ARHGAP26: variants seen among roughly 807,000 people sequenced by gnomAD.
The protein encoded by ARHGAP26 is rho GTPase-activating protein 26.
In ARHGAP26, 38 loss-of-function variants were observed where a neutral mutation model predicts 104.8. That is an observed-to-expected ratio of 0.36 (90% CI 0.28 to 0.48). The LOEUF (loss-of-function observed/expected upper bound fraction) is 0.48, where lower values mean the gene tolerates loss of function less well. ARHGAP26 is among the 20% of genes least tolerant of loss of function. ARHGAP26 has a pLI of 0.99. For missense variants in ARHGAP26, 704 were observed against 947.9 expected (o/e 0.74, Z 3.38); for synonymous variants, 341 against 340.0 (o/e 1.00, Z -0.03).
intron 11 of ARHGAP26, among the ~76,000 whole-genome samples, chr5:142,999,202 C>T (rs1776857846): frequency 6.6e-6 from 1 of 152,134 alleles, no homozygotes; most frequent in African/African-American, 2.4e-5. Context: ...TGATTAGGGC[C>T]ACTATACTTG....
intron 12 of ARHGAP26, among the ~76,000 whole-genome samples, chr5:143,017,504 G>C (rs1598646982): frequency 6.6e-6 from 1 of 152,148 alleles, no homozygotes; most frequent in East Asian, 1.9e-4. Flanking sequence ...CAGGTTTCTT[G>C]ATTCATTCAT....
chr5:143,005,723 T>C (rs1355928941), intron 11 of ARHGAP26, among the ~76,000 whole-genome samples: 1 of 152,218 alleles, frequency 6.6e-6, no homozygotes, highest in African/African-American at 2.4e-5. Context: ...AAAGAAAGTT[T>C]ATTTTTCTAT....
intron 21 of ARHGAP26, among the ~76,000 whole-genome samples, chr5:143,208,590 A>G (rs1205211036): frequency 1.3e-5 from 2 of 152,250 alleles, no homozygotes; most frequent in Non-Finnish European, 1.5e-5. Context: ...AAAGAAAACT[A>G]AAACACAGGG....
chr5:143,020,240 G>A (rs1168582353), intron 12 of ARHGAP26, among the ~76,000 whole-genome samples: 1 of 151,926 alleles, frequency 6.6e-6, no homozygotes, highest in African/African-American at 2.4e-5. Flanking sequence ...GAGCCACCAC[G>A]CCCAGCCTTC....
At chr5:142,992,402 G>A (rs1398806659) in intron 11 of ARHGAP26, among the ~76,000 whole-genome samples, 1 of 151,712 alleles carries the variant, frequency 6.6e-6, no homozygotes, top group Non-Finnish European at 1.5e-5. Context: ...AAGAAGTGCA[G>A]CAGTGATTTT....
At chr5:142,914,498 A>G (rs1762233061) in intron 10 of ARHGAP26, among the ~76,000 whole-genome samples, 1 of 152,244 alleles carries the variant, frequency 6.6e-6, no homozygotes, top group African/African-American at 2.4e-5. Flanking sequence ...TAAGGATTCA[A>G]GGAAATAATG....
At chr5:142,924,556 T>C (rs903883653) in intron 10 of ARHGAP26, among the ~76,000 whole-genome samples, 4 of 152,236 alleles carry the variant, frequency 2.6e-5, no homozygotes, top group African/African-American at 9.6e-5. Context: ...TAGCACATAA[T>C]AAACACTCAG....
intron 20 of ARHGAP26, among the ~76,000 whole-genome samples, chr5:143,190,713 A>G (rs1805808162): frequency 6.6e-6 from 1 of 152,242 alleles, no homozygotes; most frequent in African/African-American, 2.4e-5. Context: ...GACACCACTG[A>G]AAAAATGAGA....
intron 17 of ARHGAP26, among the ~76,000 whole-genome samples, chr5:143,072,228 T>C (rs1181084837): frequency 1.3e-5 from 2 of 152,134 alleles, no homozygotes; most frequent in African/African-American, 2.4e-5. Context: ...ATCTCTAGGA[T>C]GACTATTATC....
At chr5:143,074,244 A>C (rs73298600) in intron 17 of ARHGAP26, among the ~76,000 whole-genome samples, 7,055 of 152,144 alleles carry the variant, frequency 0.046, 569 homozygotes, top group African/African-American at 0.16. Context: ...ATAATAACAA[A>C]CTGTATTATT....
intron 11 of ARHGAP26, among the ~76,000 whole-genome samples, chr5:142,959,735 T>G (rs1044427381): frequency 1.6e-4 from 25 of 152,252 alleles, no homozygotes; most frequent in Non-Finnish European, 3.5e-4. Context: ...CTCTGTATTT[T>G]AAGGTCTACT....
At chr5:142,771,004 G>A (rs1298403621) in intron 1 of ARHGAP26, 89 bp downstream of exon 1, 1 of 1,484,010 alleles carries the variant, frequency 6.7e-7, no homozygotes, top group Non-Finnish European at 9.0e-7. Flanking sequence ...CGCGTCTGCC[G>A]GGTTTCTGCT....
chr5:142,933,988 T>C (rs1765076555), intron 11 of ARHGAP26, among the ~76,000 whole-genome samples: 1 of 152,176 alleles, frequency 6.6e-6, no homozygotes, highest in Non-Finnish European at 1.5e-5. Context: ...ATTCTTCAAC[T>C]CATAGGGGAG....
chr5:142,881,407 A>C (rs1423915797), intron 4 of ARHGAP26, among the ~76,000 whole-genome samples: 1 of 152,178 alleles, frequency 6.6e-6, no homozygotes, highest in Admixed American at 6.5e-5. Flanking sequence ...AGGAGGAGCT[A>C]CTGTCCCCCG....
intron 20 of ARHGAP26, among the ~76,000 whole-genome samples, chr5:143,176,781 C>G (rs1278639506): frequency 6.6e-6 from 1 of 152,126 alleles, no homozygotes; most frequent in African/African-American, 2.4e-5. Flanking sequence ...AATTTCAATA[C>G]TATAATGAAA....
At chr5:142,953,013 C>T (rs1220702972) in intron 11 of ARHGAP26, among the ~76,000 whole-genome samples, 1 of 152,096 alleles carries the variant, frequency 6.6e-6, no homozygotes, top group Non-Finnish European at 1.5e-5. Flanking sequence ...CCGGCCCCAA[C>T]TGTGCTTTTT....
chr5:142,998,236 T>C (rs1776698950), intron 11 of ARHGAP26, among the ~76,000 whole-genome samples: 1 of 152,212 alleles, frequency 6.6e-6, no homozygotes, highest in African/African-American at 2.4e-5. Context: ...ATTCCTTTTA[T>C]GTTAAGATTA....
intron 11 of ARHGAP26, among the ~76,000 whole-genome samples, chr5:142,932,892 A>T (rs1764916624): frequency 6.6e-6 from 1 of 152,256 alleles, no homozygotes; most frequent in African/African-American, 2.4e-5. Context: ...AACATAGATT[A>T]TGTACCTTTC....
At chr5:142,965,950 A>G (rs544884992) in intron 11 of ARHGAP26, among the ~76,000 whole-genome samples, 8 of 152,292 alleles carry the variant, frequency 5.3e-5, no homozygotes, top group South Asian at 2.1e-4. Context: ...TTTTAGTTTA[A>G]TCTTTAATAG....
Sources: allele counts gnomAD v4.1 joint callset (sites outside exome capture counted in the v4.1 genomes callset), GRCh38; gene constraint gnomAD v4.1.1; transcripts MANE v1.5; gene names NCBI Gene and HGNC (gene_info 2026-07-23, HGNC 2026-07-21).